The following ZNF236 variants were observed in gnomAD, a reference collection of about 807,000 sequenced individuals.
ZNF236 encodes the protein regulated by glucose.
Under a neutral mutation model 191.2 loss-of-function variants are expected in ZNF236, and 50 were observed. The observed-to-expected ratio is 0.26, with a 90% CI of 0.21 to 0.33. The LOEUF is 0.33. Ranked by LOEUF, ZNF236 falls within the 10% of genes least tolerant of loss-of-function variation. ZNF236 has a pLI of 1.00. For missense variants in ZNF236, 1,754 were observed against 2,374.5 expected, an observed-to-expected ratio of 0.74 and a Z score of 5.43; for synonymous variants, 907 against 928.8, an observed-to-expected ratio of 0.98 and a Z score of 0.43.
At chr18:76,895,330 C>T (rs781588877) in intron 10 of ZNF236, 45 bp downstream of exon 10, 1 of 1,590,502 alleles carries the variant, frequency 6.3e-7, no homozygotes, top group East Asian at 2.2e-5. Context: ...GCCACGGGGG[C>T]CACACACATT....
chr18:76,845,917 CAT>C (rs756616530), intron 1 of ZNF236, among the ~76,000 whole-genome samples: 15 of 152,166 alleles, frequency 9.9e-5, no homozygotes, highest in African/African-American at 1.4e-4. Flanking sequence ...CATTTGATCA[CAT>C]GTTTCTTTGA....
chr18:76,875,048 T>G lies in ZNF236; in HGVS notation c.668-444T>G, dbSNP rs1351355304. 2.6e-5 allele frequency among the ~76,000 whole-genome samples: 4 copies of G among 152,138 alleles called. No homozygotes were observed. In the East Asian group the frequency reaches 7.7e-4, roughly 29 times the overall value. ...TAGGAAGGGGCCAGGGTGGAAGCAG[T>G]GAGTCAAGCTGGGGGTGGTTTCAGG... is the stretch of plus-strand genomic sequence containing the variant. On this transcript the variant is annotated intron_variant, in intron 5 of 30. Coordinates refer to ENST00000320610, the MANE Select transcript of ZNF236 (RefSeq NM_001306089.2). The surrounding 1 kb of genome is among the most constrained non-coding windows in gnomAD (Gnocchi z 4.3).
In ZNF236 at chr18:76,960,441, C is replaced by T. The variant is rs923677929; in HGVS notation, c.5243-238C>T. On this transcript the variant is annotated intron_variant, in intron 29 of 30. Coordinates refer to ENST00000320610, the MANE Select transcript of ZNF236 (RefSeq NM_001306089.2). This position sits in a 1 kb window ranked among gnomAD's most constrained non-coding sequence, Gnocchi z 4.4. ...CTGGGGTTCCACAGGCTGCATCCAC[C>T]GTGGCCCTTCCATGGCTCTCTGATC... Among the ~76,000 whole-genome samples, 9 of 152,246 alleles carry T rather than the reference C, an allele frequency of 5.9e-5. No individual in the cohort carries two copies. Among genetic ancestry groups the T allele is most frequent in the Middle Eastern group, 3.4e-3 (1 of 294 alleles).
Position 76,880,026 on chromosome 18 carries a change from G to A in ZNF236, c.985-87G>A, listed in dbSNP as rs1017027988. On this transcript the variant is annotated intron_variant, in intron 7 of 30. Transcript: ENST00000320610. The surrounding 1 kb of genome is among the most constrained non-coding windows in gnomAD (Gnocchi z 5.0). ...CTTAGATTTTAACACCCTTAAGGAGGGTATTGCCTGTTTTTTTTTTTTTAA... is the reference window on the plus strand; with the variant it reads ...CTTAGATTTTAACACCCTTAAGGAGAGTATTGCCTGTTTTTTTTTTTTTAA... 2.6e-6 allele frequency: 3 copies of A among 1,143,268 alleles called. No individual in the cohort carries two copies. The highest frequency in any genetic ancestry group is 3.1e-5 in the South Asian group (2 of 65,170). 70.8% of individuals were successfully genotyped at this position (1,143,268 alleles called of 1,614,324 possible).
chr18:76,823,596 T>G (rs1160633483), intron 1 of ZNF236, among the ~76,000 whole-genome samples: 1 of 152,198 alleles, frequency 6.6e-6, no homozygotes, highest in Non-Finnish European at 1.5e-5. Context: ...CATGGTACTT[T>G]GCTAAAGTCA....
chr18:76,908,286 C>T (rs1967112575), intron 13 of ZNF236, 34 bp from the exon 14 acceptor site: 1 of 1,598,954 alleles, frequency 6.3e-7, no homozygotes, highest in African/African-American at 1.3e-5. Context: ...TTGACAGCAT[C>T]TAACCTGATG....
At chr18:76,824,396 C>G in intron 1 of ZNF236, 1 of 781,070 alleles carries the variant, frequency 1.3e-6, no homozygotes. Context: ...GTTGGCTGCA[C>G]CATGACCCAG....
At position 76,881,332 on chromosome 18, in the gene ZNF236, C is replaced by A; in HGVS notation, c.1237C>A (p.Pro413Thr). Residue 413 changes from proline (P) to threonine (T), a missense_variant, in exon 9 of 31, where the codon CCT (proline) becomes ACT (threonine). Transcript: ENST00000320610. The stretch of plus-strand genomic sequence containing the variant: ...GTCTTCAATTCCAGCTGCAGCACAT[C>A]CTAATGACTCCTGCCATGCCAAGAC... ...GLSSIPAAAH[P>T]NDSCHAKTSA... 6.2e-7 allele frequency: 1 copy of A among 1,614,140 alleles called. No individual in the cohort carries two copies. Among genetic ancestry groups the A allele is most frequent in the Non-Finnish European group, 8.5e-7 (1 of 1,180,026 alleles).
chr18:76,965,585 A>C (rs1599432623), intron 30 of ZNF236, among the ~76,000 whole-genome samples: 1 of 152,160 alleles, frequency 6.6e-6, no homozygotes, highest in East Asian at 1.9e-4. Context: ...GGTTCTCTTG[A>C]TATAGTACTC....
intron 26 of ZNF236, among the ~76,000 whole-genome samples, chr18:76,944,770 C>T (rs117334014): frequency 0.027 from 4,045 of 151,928 alleles, 99 homozygotes; most frequent in East Asian, 0.099. Context: ...TAACAGAGCA[C>T]GACTCTGTCT....
chr18:76,926,203 G>C (rs756070342), intron 22 of ZNF236, among the ~76,000 whole-genome samples: 1 of 152,040 alleles, frequency 6.6e-6, no homozygotes, highest in Non-Finnish European at 1.5e-5. Context: ...TGATTAGACA[G>C]TGTGTGTGTA....
intron 21 of ZNF236, among the ~76,000 whole-genome samples, chr18:76,923,853 T>A (rs1304462036): frequency 6.6e-6 from 1 of 152,168 alleles, no homozygotes; most frequent in East Asian, 1.9e-4. Context: ...ATTAAGACAT[T>A]TAAATAGCTT....
Position 76,947,620 on chromosome 18 carries a change from G to T in ZNF236, c.4882G>T (p.Ala1628Ser), listed in dbSNP as rs768474630. Residue 1628 changes from alanine (A) to serine (S), a missense_variant, in exon 27 of 31, where the codon GCG becomes TCG. By Grantham distance (99) the Ala-to-Ser change is moderately conservative. This residue lies in a region of ZNF236 where 606 missense variants were observed against 761.5 expected (regional missense o/e 0.80). Transcript: ENST00000320610. The part of the protein sequence containing the change: ...VILVSHTPQS[A>S]SAACEEIAYQ... The stretch of plus-strand genomic sequence containing the variant: ...ACTAGTGAGCCACACGCCACAGTCA[G>T]CGTCTGCTGCTTGTGAAGAAATAGC... 7 of 1,613,804 alleles carry T rather than the reference G, an allele frequency of 4.3e-6. No homozygotes were observed. The South Asian group carries it at 7.7e-5, about 18-fold the overall frequency.
intron 15 of ZNF236, 97 bp from the exon 16 acceptor site, chr18:76,910,563 G>T (rs1967190343): frequency 8.4e-7 from 1 of 1,191,196 alleles, no homozygotes; most frequent in South Asian, 1.5e-5. Context: ...AAATAGAAAT[G>T]CCCCTTTAGA....
At position 76,827,114 on chromosome 18, in the gene ZNF236, T is replaced by C. The variant is rs374290499; in HGVS notation, c.55+4452T>C. On this transcript the variant is annotated intron_variant, in intron 1 of 30. Transcript: ENST00000320610. The stretch of plus-strand genomic sequence containing the variant: ...TTTCTCCATGTTGGTCAGGCTAGTC[T>C]CGAACTCCTGACCTCGGGTGATCCT... 6.8e-3 allele frequency among the ~76,000 whole-genome samples: 1,042 copies of C among 152,230 alleles called. 12 individuals are homozygous for C. Among genetic ancestry groups the C allele is most frequent in the African/African-American group, 0.024 (990 of 41,548 alleles).
chr18:76,901,996 A>G (rs1366690936), intron 11 of ZNF236, among the ~76,000 whole-genome samples: 1 of 152,100 alleles, frequency 6.6e-6, no homozygotes, highest in Non-Finnish European at 1.5e-5. Context: ...CTGGACTTCA[A>G]GTTTTTGAAT....
chr18:76,961,092 C>G (rs892329890), intron 30 of ZNF236, among the ~76,000 whole-genome samples: 1 of 152,084 alleles, frequency 6.6e-6, no homozygotes, highest in Non-Finnish European at 1.5e-5. Flanking sequence ...GTGAGATTTT[C>G]GTGCACCCAT....
intron 10 of ZNF236, among the ~76,000 whole-genome samples, chr18:76,896,072 C>G (rs1179458050): frequency 6.6e-6 from 1 of 151,704 alleles, no homozygotes; most frequent in Non-Finnish European, 1.5e-5. Context: ...CAGTACCAAA[C>G]ACAGTACTAA....
At chr18:76,926,509 A>G (rs1023355907) in intron 22 of ZNF236, among the ~76,000 whole-genome samples, 1 of 151,976 alleles carries the variant, frequency 6.6e-6, no homozygotes, top group Admixed American at 6.6e-5. Flanking sequence ...ATGTGCGTAT[A>G]TGGTAGAAAG....
Sources: allele counts gnomAD v4.1 joint callset (sites outside exome capture counted in the v4.1 genomes callset), GRCh38; gene constraint gnomAD v4.1.1; regional missense constraint gnomAD v4.1.1; non-coding constraint Gnocchi (gnomAD v3.1); transcripts MANE v1.5; gene names NCBI Gene and HGNC (gene_info 2026-07-23, HGNC 2026-07-21).